Variants in ZNG1A observed in about 807,000 individuals in gnomAD.
ZNG1A encodes the protein zinc-regulated GTPase metalloprotein activator 1A.
chr9:144,768 A>C, the ZNG1A span, among the ~76,000 whole-genome samples: 2,520 of 151,120 alleles, frequency 0.017, 34 homozygotes, highest in African/African-American at 0.057. Flanking sequence ...CAACCTACAA[A>C]ATGGGAGAAA....
chr9:127,053 A>T, the ZNG1A span, among the ~76,000 whole-genome samples: 2 of 152,114 alleles, frequency 1.3e-5, no homozygotes, highest in Non-Finnish European at 2.9e-5. Flanking sequence ...TGCTTGATAT[A>T]ATTTTAATTT....
the ZNG1A span, among the ~76,000 whole-genome samples, chr9:160,992 C>G: frequency 8.0e-5 from 12 of 150,614 alleles, no homozygotes; most frequent in Non-Finnish European, 8.9e-5. Flanking sequence ...TTCATAAATT[C>G]ATAAATTGAG....
the ZNG1A span, among the ~76,000 whole-genome samples, chr9:129,316 G>C: frequency 3.3e-5 from 5 of 151,946 alleles, no homozygotes; most frequent in East Asian, 9.7e-4. Flanking sequence ...TGCTTGATAA[G>C]AGAAGTACAA....
chr9:140,401 AG>A, the ZNG1A span, among the ~76,000 whole-genome samples: 4 of 151,348 alleles, frequency 2.6e-5, no homozygotes, highest in African/African-American at 9.8e-5. Flanking sequence ...TAGCAGAGGC[AG>A]GCTGACACCT....
the ZNG1A span, among the ~76,000 whole-genome samples, chr9:128,540 T>A: frequency 6.8e-6 from 1 of 148,046 alleles, no homozygotes; most frequent in Non-Finnish European, 1.5e-5. Context: ...TTGATTGTTT[T>A]TTATTTATGC....
chr9:145,289 G>C, the ZNG1A span, among the ~76,000 whole-genome samples: 2 of 150,550 alleles, frequency 1.3e-5, no homozygotes, highest in Non-Finnish European at 3.0e-5. Flanking sequence ...CAAAGACTTG[G>C]AACCAACCCA....
chr9:128,099 T>C, the ZNG1A span, among the ~76,000 whole-genome samples: 2 of 152,154 alleles, frequency 1.3e-5, no homozygotes, highest in African/African-American at 4.8e-5. Context: ...TACCTGCTGC[T>C]TTTGTTTCAC....
At chr9:172,300 A>T in the ZNG1A span, 1 of 1,172,204 alleles carries the variant, frequency 8.5e-7, no homozygotes, top group Non-Finnish European at 1.2e-6. Context: ...AATTTAACTC[A>T]CTTCTAACCT....
At chr9:176,532 A>AGT in the ZNG1A span, among the ~76,000 whole-genome samples, 1 of 152,084 alleles carries the variant, frequency 6.6e-6, no homozygotes, top group Admixed American at 6.5e-5. Context: ...AGATCTTCCT[A>AGT]TAACTAGGAA....
the ZNG1A span, among the ~76,000 whole-genome samples, chr9:143,660 C>T: frequency 8.2e-6 from 1 of 122,640 alleles, no homozygotes; most frequent in African/African-American, 3.6e-5. Flanking sequence ...TCTCTCCCCA[C>T]TCCTATTCAA....
the ZNG1A span, among the ~76,000 whole-genome samples, chr9:138,778 C>T: frequency 6.7e-6 from 1 of 148,800 alleles, no homozygotes; most frequent in Non-Finnish European, 1.5e-5. Flanking sequence ...GTGACACATG[C>T]CTGTGGTCCC....
At chr9:155,334 C>T in the ZNG1A span, among the ~76,000 whole-genome samples, 2 of 150,744 alleles carry the variant, frequency 1.3e-5, no homozygotes, top group African/African-American at 4.9e-5. Context: ...CACCTGTAGT[C>T]CTGGCTACTT....
At chr9:129,589 C>T in the ZNG1A span, among the ~76,000 whole-genome samples, 1 of 149,368 alleles carries the variant, frequency 6.7e-6, no homozygotes, top group African/African-American at 2.5e-5. Context: ...TGCATGAATC[C>T]ACTAATATCA....
At chr9:129,896 C>T in the ZNG1A span, among the ~76,000 whole-genome samples, 2 of 149,986 alleles carry the variant, frequency 1.3e-5, no homozygotes, top group African/African-American at 2.5e-5. Context: ...TGTTGTTATA[C>T]AAACATGATA....
At chr9:131,561 C>G in the ZNG1A span, among the ~76,000 whole-genome samples, 1 of 146,522 alleles carries the variant, frequency 6.8e-6, no homozygotes, top group South Asian at 2.2e-4. Flanking sequence ...CCAGGGACAA[C>G]TGAATATATG....
the ZNG1A span, among the ~76,000 whole-genome samples, chr9:144,962 G>T: frequency 6.6e-6 from 1 of 151,384 alleles, no homozygotes; most frequent in African/African-American, 2.4e-5. Context: ...ACCATCACTG[G>T]CCATCAGAGA....
chr9:171,875 G>C, the ZNG1A span: 1 of 639,488 alleles, frequency 1.6e-6, no homozygotes, highest in East Asian at 2.9e-5. Flanking sequence ...TCTATTAACA[G>C]CTTAAAAGTA....
the ZNG1A span, among the ~76,000 whole-genome samples, chr9:155,590 T>C: frequency 0.018 from 2,711 of 152,264 alleles, 69 homozygotes; most frequent in African/African-American, 0.057. Context: ...ATTAGCAGGA[T>C]AGTAAAACTG....
chr9:172,991 T>G, the ZNG1A span: 3 of 302,860 alleles, frequency 9.9e-6, no homozygotes, highest in Non-Finnish European at 1.8e-5. Context: ...AGAATAATCA[T>G]TTTTTACATA....
Sources: allele counts gnomAD v4.1 joint callset (sites outside exome capture counted in the v4.1 genomes callset), GRCh38; gene constraint gnomAD v4.1.1; transcripts MANE v1.5; gene names NCBI Gene and HGNC (gene_info 2026-07-23, HGNC 2026-07-21).